WWOX: variants seen among roughly 807,000 people sequenced by gnomAD.
The protein encoded by WWOX is WW domain-containing oxidoreductase.
Under a neutral mutation model 46.2 loss-of-function variants are expected in WWOX, and 69 were observed. That is an observed-to-expected ratio of 1.49 (90% CI 1.23 to 1.82). The LOEUF (loss-of-function observed/expected upper bound fraction) is 1.82, where lower values mean the gene tolerates loss of function less well. Among genes scored for constraint, WWOX ranks in the 40% most tolerant of loss-of-function variants. The pLI is 0.00. For missense variants in WWOX, 919 were observed against 542.6 expected (o/e 1.69, Z -6.89); for synonymous variants, 359 against 202.6 (o/e 1.77, Z -6.56).
intron 8 of WWOX, among the ~76,000 whole-genome samples, chr16:78,617,229 CG>C (rs2046047749): frequency 6.6e-6 from 1 of 151,888 alleles, no homozygotes; most frequent in Non-Finnish European, 1.5e-5. Flanking sequence ...CTGGGCAACA[CG>C]GTGAAACTAA....
At position 78,704,334 on chromosome 16, in the gene WWOX, T is replaced by A. The variant is rs548763647; in HGVS notation, c.1056+271582T>A. Among the ~76,000 whole-genome samples, 3 of 152,288 alleles carry A rather than the reference T, an allele frequency of 2.0e-5. No individual in the cohort carries two copies. The South Asian group carries it at 6.2e-4, about 32-fold the overall frequency. On this transcript the variant is annotated intron_variant, in intron 8 of 8. Coordinates refer to ENST00000566780, the MANE Select transcript of WWOX (RefSeq NM_016373.4). Reference sequence around the variant, plus strand: ...TGGTGAAACTTAAGATGTCAGCACATGACCTACCTCCCTTCCCTTCTCATT... The same window carrying A: ...TGGTGAAACTTAAGATGTCAGCACAAGACCTACCTCCCTTCCCTTCTCATT...
At chr16:78,333,126 C>G (rs1358320746) in intron 5 of WWOX, among the ~76,000 whole-genome samples, 2 of 136,178 alleles carry the variant, frequency 1.5e-5, no homozygotes, top group Non-Finnish European at 3.1e-5. Flanking sequence ...TCTCGGCACA[C>G]TGCAACCTTC....
intron 5 of WWOX, among the ~76,000 whole-genome samples, chr16:78,369,668 T>A (rs1880703640): frequency 6.6e-6 from 1 of 151,608 alleles, no homozygotes; most frequent in African/African-American, 2.4e-5. Flanking sequence ...GGGACCAATT[T>A]CTCCAGAAAG....
intron 5 of WWOX, among the ~76,000 whole-genome samples, chr16:78,290,495 T>A (rs2079843091): frequency 6.6e-6 from 1 of 152,146 alleles, no homozygotes; most frequent in Non-Finnish European, 1.5e-5. Context: ...TTCAAACTCC[T>A]GTTGTTCGGT....
At chr16:78,952,214 C>G (rs373205253) in intron 8 of WWOX, among the ~76,000 whole-genome samples, 127 of 152,174 alleles carry the variant, frequency 8.3e-4, no homozygotes, top group African/African-American at 2.7e-3. Context: ...TGGTTTCTCC[C>G]TTACTTTGCC....
At chr16:79,070,306 G>C (rs1231211820) in intron 8 of WWOX, among the ~76,000 whole-genome samples, 2 of 141,552 alleles carry the variant, frequency 1.4e-5, no homozygotes, top group African/African-American at 5.3e-5. Context: ...GTGTGTGTGT[G>C]TTTTCCAGAA....
chr16:78,184,265 G>T (rs1390106096), intron 5 of WWOX, among the ~76,000 whole-genome samples: 3 of 149,950 alleles, frequency 2.0e-5, no homozygotes, highest in African/African-American at 7.3e-5. Flanking sequence ...AGTGTTTGGA[G>T]AAGTGTTTTC....
intron 8 of WWOX, among the ~76,000 whole-genome samples, chr16:78,835,160 T>C (rs1168866709): frequency 6.6e-6 from 1 of 152,196 alleles, no homozygotes; most frequent in Non-Finnish European, 1.5e-5. Context: ...TCCGACAGCC[T>C]TGCTTTTGTC....
chr16:78,577,887 CAG>C (rs1238842009), intron 8 of WWOX, among the ~76,000 whole-genome samples: 1 of 152,084 alleles, frequency 6.6e-6, no homozygotes, highest in Non-Finnish European at 1.5e-5. Flanking sequence ...TTCCGTTTGA[CAG>C]AATATATTCA....
chr16:78,637,771 A>T (rs918388534), intron 8 of WWOX, among the ~76,000 whole-genome samples: 1 of 152,096 alleles, frequency 6.6e-6, no homozygotes, highest in Non-Finnish European at 1.5e-5. Flanking sequence ...GTCAAAATGG[A>T]GGGATGTGTA....
Position 78,411,741 on chromosome 16 carries a change from T to C in WWOX, c.606-13129T>C, listed in dbSNP as rs563560860. 1.6e-4 allele frequency among the ~76,000 whole-genome samples: 24 copies of C among 152,284 alleles called. No individual in the cohort carries two copies. In the South Asian group the frequency reaches 3.5e-3, roughly 22 times the overall value. On this transcript the variant is annotated intron_variant, in intron 6 of 8. Transcript: ENST00000566780. The stretch of plus-strand genomic sequence containing the variant: ...AATGTAGAGGTGACAAGACCAGGTG[T>C]GGGCTATTGCAGTGACTACACCTAA...
intron 8 of WWOX, among the ~76,000 whole-genome samples, chr16:78,647,218 T>G (rs2046864524): frequency 2.0e-5 from 3 of 152,076 alleles, no homozygotes. Flanking sequence ...CTGTGAGATC[T>G]CAGAACACAT....
intron 6 of WWOX, among the ~76,000 whole-genome samples, chr16:78,387,312 A>G (rs564436345): frequency 1.3e-5 from 2 of 152,352 alleles, no homozygotes; most frequent in South Asian, 4.1e-4. Flanking sequence ...AGGAACAAGT[A>G]AACTCAGTTA....
At chr16:79,186,859 C>A (rs1274964235) in intron 8 of WWOX, among the ~76,000 whole-genome samples, 2 of 152,094 alleles carry the variant, frequency 1.3e-5, no homozygotes, top group South Asian at 2.1e-4. Context: ...TCTCCCATCC[C>A]CCAGCCAGTT....
At chr16:78,876,719 A>T (rs564509565) in intron 8 of WWOX, among the ~76,000 whole-genome samples, 1 of 152,200 alleles carries the variant, frequency 6.6e-6, no homozygotes, top group Admixed American at 6.5e-5. Context: ...GGTTATTTAT[A>T]ACTGGATTTT....
At chr16:78,510,947 T>A (rs1460147809) in intron 8 of WWOX, among the ~76,000 whole-genome samples, 6 of 152,238 alleles carry the variant, frequency 3.9e-5, no homozygotes, top group African/African-American at 2.4e-5. Flanking sequence ...ATGTGTTGTT[T>A]CCATCTGATA....
intron 5 of WWOX, among the ~76,000 whole-genome samples, chr16:78,184,954 T>A (rs573524215): frequency 1.3e-5 from 2 of 152,334 alleles, no homozygotes; most frequent in South Asian, 4.1e-4. Context: ...ATGAGTTGCT[T>A]GGAGGGATCT....
At chr16:79,073,378 C>G (rs1464680806) in intron 8 of WWOX, among the ~76,000 whole-genome samples, 1 of 152,006 alleles carries the variant, frequency 6.6e-6, no homozygotes, top group Non-Finnish European at 1.5e-5. Context: ...CAGGGTTTCA[C>G]CATGTTGGCC....
chr16:78,394,505 CTT>C (rs35942699), intron 6 of WWOX, among the ~76,000 whole-genome samples: 1 of 152,056 alleles, frequency 6.6e-6, no homozygotes, highest in African/African-American at 2.4e-5. Flanking sequence ...CCTTCTGAAA[CTT>C]TTTCAGCATT....
Sources: allele counts gnomAD v4.1 joint callset (sites outside exome capture counted in the v4.1 genomes callset), GRCh38; gene constraint gnomAD v4.1.1; transcripts MANE v1.5; gene names NCBI Gene and HGNC (gene_info 2026-07-23, HGNC 2026-07-21).